The following TMEM132D variants were observed in gnomAD, a reference collection of about 807,000 sequenced individuals.
The protein encoded by TMEM132D is mature OL transmembrane protein.
TMEM132D carries 21 observed loss-of-function variants against 62.3 expected under a neutral mutation model. That is an observed-to-expected ratio of 0.34 (90% CI 0.24 to 0.49). The LOEUF (loss-of-function observed/expected upper bound fraction) is 0.49. Ranked by LOEUF, TMEM132D falls within the 20% of genes least tolerant of loss-of-function variation. TMEM132D has a pLI of 0.99. For missense variants in TMEM132D, 1,346 were observed against 1,402.8 expected (o/e 0.96, Z 0.65); for synonymous variants, 621 against 575.6 (o/e 1.08, Z -1.13).
At chr12:129,803,474 A>G (rs1452520910) in intron 1 of TMEM132D, among the ~76,000 whole-genome samples, 18 of 152,054 alleles carry the variant, frequency 1.2e-4, no homozygotes, top group Admixed American at 1.2e-3. Flanking sequence ...AGAAATAAAG[A>G]TGTTCTTTGA....
At chr12:129,819,971 T>C (rs1022674864) in intron 1 of TMEM132D, among the ~76,000 whole-genome samples, 23 of 152,190 alleles carry the variant, frequency 1.5e-4, no homozygotes, top group Middle Eastern at 3.4e-3. Context: ...ACATGACTGC[T>C]CTCAAGACGT....
intron 5 of TMEM132D, among the ~76,000 whole-genome samples, chr12:129,185,808 TATC>T (rs201569268): frequency 0.17 from 24,267 of 143,266 alleles, 2,292 homozygotes; most frequent in East Asian, 0.35. Context: ...TCTATCTATC[TATC>T]ATCTATCTAT....
intron 4 of TMEM132D, among the ~76,000 whole-genome samples, chr12:129,323,396 T>C (rs373700594): frequency 1.4e-4 from 21 of 147,404 alleles, no homozygotes; most frequent in Non-Finnish European, 2.2e-4. Context: ...TCTGTGAACA[T>C]GCTGCAAAGA....
intron 2 of TMEM132D, among the ~76,000 whole-genome samples, chr12:129,584,926 G>A (rs1221977792): frequency 1.3e-5 from 2 of 152,184 alleles, no homozygotes; most frequent in African/African-American, 4.8e-5. Context: ...CCAGCATGGG[G>A]TGTTGCATGT....
At chr12:129,116,680 C>A (rs1197314842) in intron 5 of TMEM132D, among the ~76,000 whole-genome samples, 3 of 152,020 alleles carry the variant, frequency 2.0e-5, no homozygotes, top group Non-Finnish European at 4.4e-5. Flanking sequence ...CAAATTAAAA[C>A]AACAATGAGA....
At chr12:129,237,953 T>C (rs11060210) in intron 4 of TMEM132D, among the ~76,000 whole-genome samples, 116,014 of 152,116 alleles carry the variant, frequency 0.76, 44,352 homozygotes, top group Middle Eastern at 0.8. Flanking sequence ...ATTCTAAATA[T>C]GTGAATCAGG....
intron 2 of TMEM132D, among the ~76,000 whole-genome samples, chr12:129,539,409 T>TTC (rs1442334085): frequency 6.9e-6 from 1 of 145,910 alleles, no homozygotes; most frequent in East Asian, 2.0e-4. Context: ...TTTTTTCTTT[T>TTC]TTTTTTTTTT....
At chr12:129,518,447 A>G (rs551032126) in intron 3 of TMEM132D, among the ~76,000 whole-genome samples, 2 of 151,796 alleles carry the variant, frequency 1.3e-5, no homozygotes, top group African/African-American at 2.4e-5. Context: ...TCACAATTTC[A>G]CTGTTATTAA....
rs1245174561 is a variant in TMEM132D at position 129,074,272 on chromosome 12, C to T, written c.2903G>A (p.Ser968Asn). ...ATTCTCCAACAGCTCTGTCCGGTTG[C>T]TTAACCCAACCCAGTCATGAGAGTG... is the stretch of plus-strand genomic sequence containing the variant. The part of the protein sequence containing the change: ...MSHSHDWVGL[S>N]NRTELLENHI... The change falls in exon 9 of 9, where the codon AGC becomes AAC. Residue 968 changes from serine (S) to asparagine (N), a missense_variant. Transcript: ENST00000422113. The T allele has an allele frequency of 2.5e-6, 4 of 1,614,144 alleles. No homozygotes were observed. In the Admixed American group the frequency reaches 6.7e-5, roughly 27 times the overall value.
chr12:129,362,928 C>T (rs1870292335), intron 3 of TMEM132D, among the ~76,000 whole-genome samples: 1 of 152,218 alleles, frequency 6.6e-6, no homozygotes, highest in South Asian at 2.1e-4. Context: ...AACCTTCTAA[C>T]TTTAATTGAC....
In TMEM132D at chr12:129,634,963, G is replaced by A. The variant is rs1879440474; in HGVS notation, c.968+64847C>T. Among the ~76,000 whole-genome samples, 3 of 152,012 alleles carry A rather than the reference G, an allele frequency of 2.0e-5. No individual in the cohort carries two copies. The South Asian group carries it at 6.2e-4, about 32-fold the overall frequency. On this transcript the variant is annotated intron_variant, in intron 2 of 8. Coordinates refer to ENST00000422113, the MANE Select transcript of TMEM132D (RefSeq NM_133448.3). ...TTGTGTAAGAATTTTTATTTTCTGGGCTCCTTATACCATTCCTTTATTGAA... is the reference window on the plus strand; with the variant it reads ...TTGTGTAAGAATTTTTATTTTCTGGACTCCTTATACCATTCCTTTATTGAA...
chr12:129,810,448 ATGTG>A (rs1440488586), intron 1 of TMEM132D, among the ~76,000 whole-genome samples: 1 of 152,126 alleles, frequency 6.6e-6, no homozygotes. Flanking sequence ...TTTTGGTAGT[ATGTG>A]TGTGTAACAT....
chr12:129,243,017 C>A (rs903189798), intron 4 of TMEM132D, among the ~76,000 whole-genome samples: 1 of 152,166 alleles, frequency 6.6e-6, no homozygotes. Flanking sequence ...CTAATGGATC[C>A]CATTTTTGCT....
intron 4 of TMEM132D, among the ~76,000 whole-genome samples, chr12:129,232,318 CAG>C (rs1185439167): frequency 6.6e-6 from 1 of 152,164 alleles, no homozygotes; most frequent in Admixed American, 6.5e-5. Context: ...TGTGACTGGA[CAG>C]AGAGGGCAAA....
At chr12:129,315,289 AT>A (rs1868445706) in intron 4 of TMEM132D, among the ~76,000 whole-genome samples, 1 of 152,102 alleles carries the variant, frequency 6.6e-6, no homozygotes, top group African/African-American at 2.4e-5. Context: ...TTTGTCATAG[AT>A]GGCTTTTATT....
At chr12:129,598,755 A>T (rs1489240800) in intron 2 of TMEM132D, among the ~76,000 whole-genome samples, 1 of 152,210 alleles carries the variant, frequency 6.6e-6, no homozygotes, top group Non-Finnish European at 1.5e-5. Context: ...ATGTTTTGGT[A>T]ACGATTGCAG....
At chr12:129,895,550 C>T (rs2137397504) in intron 1 of TMEM132D, among the ~76,000 whole-genome samples, 1 of 152,346 alleles carries the variant, frequency 6.6e-6, no homozygotes, top group South Asian at 2.1e-4. Flanking sequence ...CTTCCTCAGC[C>T]ATGCCTGCAC....
chr12:129,586,901 T>C (rs1878045158), intron 2 of TMEM132D, among the ~76,000 whole-genome samples: 1 of 151,872 alleles, frequency 6.6e-6, no homozygotes, highest in Non-Finnish European at 1.5e-5. Context: ...AATAAGAAAA[T>C]ATGAGATAGA....
chr12:129,209,419 ACCCAGAGGTCCCAGAGGT>A lies in TMEM132D; in HGVS notation c.1443+83_1443+100del, dbSNP rs377103313. 655 of 1,445,960 alleles carry A rather than the reference ACCCAGAGGTCCCAGAGGT, an allele frequency of 4.5e-4. 1 individual carries two copies. The highest frequency in any genetic ancestry group is 3.9e-3 in the African/African-American group (278 of 71,376). 89.6% of individuals were successfully genotyped at this position (1,445,960 alleles called of 1,614,324 possible). ...AATGGGATGGGAGGGATCCTGTGGG[ACCCAGAGGTCCCAGAGGT>A]CCCAGAGGTCCCAAGCTGGTCCAGG... On this transcript the variant is annotated intron_variant, in intron 5 of 8. Transcript: ENST00000422113.
Sources: gnomAD v4.1 joint callset for allele counts (sites outside exome capture counted in the v4.1 genomes callset) on GRCh38, gnomAD v4.1.1 for gene constraint, MANE v1.5 for transcripts, NCBI Gene and HGNC (gene_info 2026-07-23, HGNC 2026-07-21) for gene names.